Variants in PPIG observed in about 807,000 individuals in gnomAD.
PPIG encodes peptidylprolyl isomerase G.
In PPIG, 26 loss-of-function variants were observed where a neutral mutation model predicts 87.9. That is an observed-to-expected ratio of 0.30 (90% confidence interval 0.22 to 0.41). PPIG has a LOEUF of 0.41. PPIG is among the 10% of genes least tolerant of loss of function. The pLI is 1.00. For synonymous variants in PPIG, 308 were observed against 276.5 expected (o/e 1.11, Z -1.13); for missense variants, 722 against 879.4 (o/e 0.82, Z 2.26).
At chr2:169,619,519 G>A (rs984219249) in intron 9 of PPIG, among the ~76,000 whole-genome samples, 18 of 152,182 alleles carry the variant, frequency 1.2e-4, no homozygotes, top group African/African-American at 3.9e-4. Context: ...CTCTTTGTAG[G>A]TCTCTAAGAA....
intron 9 of PPIG, among the ~76,000 whole-genome samples, chr2:169,625,435 A>G (rs568872591): frequency 6.6e-6 from 1 of 152,314 alleles, no homozygotes; most frequent in South Asian, 2.1e-4. Flanking sequence ...CACTGCTACC[A>G]GAATATAAGA....
At chr2:169,590,142 GAA>G (rs1684822664) in intron 1 of PPIG, among the ~76,000 whole-genome samples, 2 of 113,806 alleles carry the variant, frequency 1.8e-5, no homozygotes, top group African/African-American at 6.0e-5. Context: ...AAAAAAAAAA[GAA>G]AAGAAAAGAA....
chr2:169,590,383 G>A (rs933107627), intron 1 of PPIG, among the ~76,000 whole-genome samples: 4 of 152,138 alleles, frequency 2.6e-5, no homozygotes, highest in African/African-American at 7.2e-5. Flanking sequence ...GCTCAAGCCT[G>A]TAACGCCAGC....
rs772586462 is a variant in PPIG at position 169,608,682 on chromosome 2, G to A, written c.301G>A (p.Ala101Thr). Residue 101 changes from alanine (A) to threonine (T), a missense_variant, in exon 7 of 14, where the codon GCT becomes ACT. Transcript: ENST00000260970. ...YGGFFEDESFAVKHNKEFLLS... is the reference protein window; with the variant it reads ...YGGFFEDESFTVKHNKEFLLS... ...TTACTTCTCTATAGACGAGAGTTTC[G>A]CTGTTAAACACAACAAAGAATTTCT... 21 of 1,607,954 alleles carry A rather than the reference G, an allele frequency of 1.3e-5. No individual in the cohort carries two copies. The highest frequency in any genetic ancestry group is 1.6e-5 in the Non-Finnish European group (19 of 1,175,124).
chr2:169,637,290 A>C lies in PPIG; in HGVS notation c.2032A>C (p.Arg678=), dbSNP rs1395946305. 1.2e-6 allele frequency: 2 copies of C among 1,607,942 alleles called. No individual in the cohort carries two copies. Among genetic ancestry groups the C allele is most frequent in the African/African-American group, 1.3e-5 (1 of 74,404 alleles). The part of the protein sequence containing the change: ...SRDHNSSNNS[R]EKKADRDQSP... The stretch of plus-strand genomic sequence containing the variant: ...TGATCATAATAGCTCAAATAACAGC[A>C]GGGAAAAAAAGGCTGATAGAGATCA... Residue 678 remains arginine (R), a synonymous_variant, in exon 14 of 14, where the codon AGG becomes CGG. Coordinates refer to ENST00000260970, the MANE Select transcript of PPIG (RefSeq NM_004792.3).
chr2:169,595,962 G>A (rs1331691191), intron 1 of PPIG, among the ~76,000 whole-genome samples: 2 of 150,728 alleles, frequency 1.3e-5, no homozygotes, highest in Admixed American at 6.6e-5. Context: ...GTGCCACTAC[G>A]CCCGGCTAAT....
At chr2:169,593,792 G>A (rs1259504384) in intron 1 of PPIG, among the ~76,000 whole-genome samples, 1 of 147,656 alleles carries the variant, frequency 6.8e-6, no homozygotes, top group Non-Finnish European at 1.5e-5. Context: ...GACTACAGGC[G>A]CCCGCCACCA....
intron 10 of PPIG, 113 bp from the exon 11 acceptor site, chr2:169,631,653 G>T: frequency 6.5e-7 from 1 of 1,547,018 alleles, no homozygotes; most frequent in East Asian, 2.4e-5. Context: ...CTTTGGTAAG[G>T]ACAGGATGTT....
intron 9 of PPIG, among the ~76,000 whole-genome samples, chr2:169,618,188 T>C (rs1685651864): frequency 6.6e-6 from 1 of 152,236 alleles, no homozygotes; most frequent in Admixed American, 6.5e-5. Context: ...CATTCTTGCA[T>C]CCCAGAGGTG....
chr2:169,636,013 A>G, intron 12 of PPIG, 79 bp from the exon 13 acceptor site: 106 of 1,003,350 alleles, frequency 1.1e-4, no homozygotes, highest in Non-Finnish European at 1.4e-4. Flanking sequence ...TCACCCCAGT[A>G]CTTCCCTCCC....
chr2:169,635,563 C>A (rs940484526), intron 12 of PPIG, among the ~76,000 whole-genome samples: 1 of 152,180 alleles, frequency 6.6e-6, no homozygotes, highest in Non-Finnish European at 1.5e-5. Context: ...TATATCTTGG[C>A]TCACTGATGT....
At chr2:169,600,497 C>T (rs914221720) in intron 1 of PPIG, among the ~76,000 whole-genome samples, 1 of 152,126 alleles carries the variant, frequency 6.6e-6, no homozygotes, top group African/African-American at 2.4e-5. Flanking sequence ...AATATACTTA[C>T]CAGTTAAACC....
At chr2:169,620,967 T>C (rs1330533998) in intron 9 of PPIG, among the ~76,000 whole-genome samples, 4 of 152,162 alleles carry the variant, frequency 2.6e-5, no homozygotes, top group Non-Finnish European at 5.9e-5. Context: ...CTGTAATGCT[T>C]TCTGATTCTC....
chr2:169,589,709 G>T (rs887243108), intron 1 of PPIG, among the ~76,000 whole-genome samples: 3 of 152,144 alleles, frequency 2.0e-5, no homozygotes, highest in African/African-American at 7.2e-5. Context: ...TAGATCTAGG[G>T]AATGGGTTCT....
At chr2:169,629,093 A>G (rs2105516565) in intron 9 of PPIG, among the ~76,000 whole-genome samples, 1 of 152,300 alleles carries the variant, frequency 6.6e-6, no homozygotes, top group African/African-American at 2.4e-5. Context: ...AACAACCAAC[A>G]GATAATCCAA....
At chr2:169,616,263 G>A (rs1422213418) in intron 9 of PPIG, among the ~76,000 whole-genome samples, 1 of 152,166 alleles carries the variant, frequency 6.6e-6, no homozygotes, top group African/African-American at 2.4e-5. Context: ...GGGCATATGG[G>A]TTGGTTCCAG....
chr2:169,594,324 CA>C (rs375893335), intron 1 of PPIG, among the ~76,000 whole-genome samples: 70 of 140,444 alleles, frequency 5.0e-4, no homozygotes, highest in African/African-American at 8.1e-4. Flanking sequence ...TGTTGATAGG[CA>C]AAAAAAAAAA....
intron 1 of PPIG, among the ~76,000 whole-genome samples, chr2:169,590,792 G>A (rs1000881267): frequency 6.6e-6 from 1 of 152,060 alleles, no homozygotes; most frequent in African/African-American, 2.4e-5. Context: ...GACTTGCTTG[G>A]CATCTTAATC....
At chr2:169,601,905 A>AC (rs1488275658) in intron 1 of PPIG, among the ~76,000 whole-genome samples, 4 of 122,816 alleles carry the variant, frequency 3.3e-5, no homozygotes, top group South Asian at 2.5e-4. Context: ...AAAGACTTGT[A>AC]CAAAAAAAAA....
Sources: gnomAD v4.1 joint callset for allele counts (sites outside exome capture counted in the v4.1 genomes callset) on GRCh38, gnomAD v4.1.1 for gene constraint, MANE v1.5 for transcripts, NCBI Gene and HGNC (gene_info 2026-07-23, HGNC 2026-07-21) for gene names.